The following GAREM1 variants were observed in gnomAD, a reference collection of about 807,000 sequenced individuals.
GAREM1 encodes GRB2-associated and regulator of MAPK protein 1.
In GAREM1, 26 loss-of-function variants were observed where a neutral mutation model predicts 71.3. The observed-to-expected ratio is 0.36, with a 90% confidence interval of 0.27 to 0.51. The LOEUF is 0.51. Among genes scored for constraint, GAREM1 ranks in the 20% least tolerant of loss-of-function variants. The pLI is 0.95. For synonymous variants in GAREM1, 440 were observed against 433.2 expected (o/e 1.02, Z -0.20); for missense variants, 1,026 against 1,103.1 (o/e 0.93, Z 0.99).
Position 32,421,545 on chromosome 18 carries a change from G to C in GAREM1, c.122-28510C>G, listed in dbSNP as rs181660510. ...TCTAAGAAAAAAGTCCAAACGCCGT[G>C]GGGTGCAGCATGAAACCCTTTAGGA... On this transcript the variant is annotated intron_variant, in intron 1 of 5. Coordinates refer to ENST00000269209, the MANE Select transcript of GAREM1 (RefSeq NM_001242409.2). 9.3e-4 allele frequency among the ~76,000 whole-genome samples: 141 copies of C among 152,202 alleles called. 1 individual carries two copies. Among genetic ancestry groups the C allele is most frequent in the Middle Eastern group, 3.4e-3 (1 of 294 alleles).
In GAREM1 at chr18:32,413,923, C is replaced by T. The variant is rs1337796791; in HGVS notation, c.122-20888G>A. On this transcript the variant is annotated intron_variant, in intron 1 of 5. Coordinates refer to ENST00000269209, the MANE Select transcript of GAREM1 (RefSeq NM_001242409.2). ...TATAATTTTCTGGGGCAAAATGTAA[C>T]AAAAGAAAATCACTTTGACACTTAG... 1.1e-4 allele frequency among the ~76,000 whole-genome samples: 16 copies of T among 151,898 alleles called. 1 individual carries two copies. Among genetic ancestry groups the T allele is most frequent in the Admixed American group, 1.0e-3 (16 of 15,250 alleles).
At chr18:32,461,521 C>T (rs796617039) in intron 1 of GAREM1, among the ~76,000 whole-genome samples, 10 of 152,004 alleles carry the variant, frequency 6.6e-5, no homozygotes, top group African/African-American at 2.4e-4. Context: ...ACAGCAAAAC[C>T]CCATTTCCAT....
At chr18:32,319,656 G>A (rs554129107) in intron 2 of GAREM1, among the ~76,000 whole-genome samples, 1 of 152,206 alleles carries the variant, frequency 6.6e-6, no homozygotes, top group African/African-American at 2.4e-5. Context: ...GAGGGTGTAG[G>A]GTGAAAAAGT....
At chr18:32,334,037 T>C (rs540881708) in intron 2 of GAREM1, among the ~76,000 whole-genome samples, 4 of 152,268 alleles carry the variant, frequency 2.6e-5, no homozygotes, top group African/African-American at 7.2e-5. Flanking sequence ...TGAGACCATA[T>C]TGTGCACTGA....
intron 2 of GAREM1, among the ~76,000 whole-genome samples, chr18:32,368,035 C>T (rs1024361597): frequency 6.6e-6 from 1 of 150,976 alleles, no homozygotes; most frequent in Non-Finnish European, 1.5e-5. Context: ...TGCTTACCCC[C>T]CTTTCTTTTA....
Position 32,284,159 on chromosome 18 carries a change from T to C in GAREM1, c.1566+2872A>G, listed in dbSNP as rs115643098. Among the ~76,000 whole-genome samples, 864 of 152,310 alleles carry C rather than the reference T, an allele frequency of 5.7e-3. 13 individuals carry two copies. The highest frequency in any genetic ancestry group is 0.02 in the African/African-American group (828 of 41,566). ...TGTTCTCTGGATCCCACGCACATCC[T>C]AAAAATGGAAAATTCATTTCATGGT... is the stretch of plus-strand genomic sequence containing the variant. On this transcript the variant is annotated intron_variant, in intron 4 of 5. Coordinates refer to ENST00000269209, the MANE Select transcript of GAREM1 (RefSeq NM_001242409.2).
intron 1 of GAREM1, among the ~76,000 whole-genome samples, chr18:32,421,123 A>C (rs2048515973): frequency 6.6e-6 from 1 of 152,220 alleles, no homozygotes; most frequent in Admixed American, 6.5e-5. Flanking sequence ...AGTTATACAT[A>C]ATTGTCAAGC....
At chr18:32,457,537 G>GA (rs914408923) in intron 1 of GAREM1, among the ~76,000 whole-genome samples, 4 of 151,446 alleles carry the variant, frequency 2.6e-5, no homozygotes, top group Admixed American at 1.3e-4. Context: ...GAGTCAAGGG[G>GA]AAAAAAAAGA....
chr18:32,413,813 T>C (rs541488413), intron 1 of GAREM1, among the ~76,000 whole-genome samples: 2 of 152,116 alleles, frequency 1.3e-5, no homozygotes, highest in Non-Finnish European at 2.9e-5. Context: ...TTTACAGATA[T>C]TGACTGAAAG....
intron 2 of GAREM1, among the ~76,000 whole-genome samples, chr18:32,385,664 C>T (rs1045139808): frequency 3.9e-5 from 6 of 152,158 alleles, no homozygotes; most frequent in African/African-American, 9.7e-5. Context: ...AGCTTATTGG[C>T]TAATTCTAAC....
At chr18:32,439,308 T>C (rs1244070397) in intron 1 of GAREM1, among the ~76,000 whole-genome samples, 3 of 152,128 alleles carry the variant, frequency 2.0e-5, no homozygotes, top group Admixed American at 2.0e-4. Flanking sequence ...CAAAAGAACA[T>C]GCATGGAAGG....
At chr18:32,458,774 G>T (rs904200432) in intron 1 of GAREM1, among the ~76,000 whole-genome samples, 1 of 151,642 alleles carries the variant, frequency 6.6e-6, no homozygotes, top group African/African-American at 2.4e-5. Context: ...ACTAGCAAAG[G>T]CAAAACAAAA....
At chr18:32,371,521 T>C (rs2047979631) in intron 2 of GAREM1, among the ~76,000 whole-genome samples, 1 of 152,194 alleles carries the variant, frequency 6.6e-6, no homozygotes, top group Non-Finnish European at 1.5e-5. Context: ...GGATTTTTAA[T>C]CACAGGATGT....
At chr18:32,413,016 G>C (rs1191156296) in intron 1 of GAREM1, 2 of 1,599,296 alleles carry the variant, frequency 1.3e-6, no homozygotes, top group Non-Finnish European at 8.5e-7. Context: ...AAAGCCCCTG[G>C]AGCGCTTGGT....
chr18:32,381,359 T>C (rs2048096419), intron 2 of GAREM1, among the ~76,000 whole-genome samples: 1 of 152,220 alleles, frequency 6.6e-6, no homozygotes, highest in Non-Finnish European at 1.5e-5. Flanking sequence ...TGAAAAATTC[T>C]TCCTTTAATA....
chr18:32,415,430 A>G (rs2048457833), intron 1 of GAREM1, among the ~76,000 whole-genome samples: 1 of 151,282 alleles, frequency 6.6e-6, no homozygotes, highest in African/African-American at 2.4e-5. Context: ...AACAAACAAA[A>G]ACAGGCCATT....
At chr18:32,366,352 T>C (rs1277031832) in intron 2 of GAREM1, among the ~76,000 whole-genome samples, 2 of 152,172 alleles carry the variant, frequency 1.3e-5, no homozygotes, top group African/African-American at 4.8e-5. Flanking sequence ...TATGATTTCC[T>C]TGTGACCCAA....
chr18:32,362,490 G>A (rs768511760), intron 2 of GAREM1, among the ~76,000 whole-genome samples: 8 of 152,138 alleles, frequency 5.3e-5, no homozygotes, highest in Non-Finnish European at 8.8e-5. Flanking sequence ...TGCAATGTGT[G>A]ATTTTGTTTT....
At chr18:32,446,666 A>G (rs17811690) in intron 1 of GAREM1, among the ~76,000 whole-genome samples, 22,383 of 152,196 alleles carry the variant, frequency 0.15, 2,007 homozygotes, top group East Asian at 0.4. Flanking sequence ...AGAAGTTGAC[A>G]AATGTAGTAC....
Sources: gnomAD v4.1 joint callset for allele counts (sites outside exome capture counted in the v4.1 genomes callset) on GRCh38, gnomAD v4.1.1 for gene constraint, MANE v1.5 for transcripts, NCBI Gene and HGNC (gene_info 2026-07-23, HGNC 2026-07-21) for gene names.